The following NR3C2 variants were observed in gnomAD, a reference collection of about 807,000 sequenced individuals.
The protein encoded by NR3C2 is nuclear receptor subfamily 3 group C member 2, also known as mineralocorticoid receptor.
In NR3C2, 15 loss-of-function variants were observed where a neutral mutation model predicts 86.4. That is an observed-to-expected ratio of 0.17 (90% confidence interval 0.12 to 0.27). The LOEUF is 0.27. NR3C2 is among the 10% of genes least tolerant of loss of function. The probability of loss-of-function intolerance (pLI) is 1.00; values close to 1 mark genes in which losing one functional copy is unlikely to be tolerated. For synonymous variants in NR3C2, 458 were observed against 450.5 expected (o/e 1.02, Z -0.21); for missense variants, 960 against 1,195.6 (o/e 0.80, Z 2.91).
intron 2 of NR3C2, among the ~76,000 whole-genome samples, chr4:148,316,214 CACAT>C (rs1363288197): frequency 1.3e-5 from 2 of 152,064 alleles, no homozygotes; most frequent in African/African-American, 4.8e-5. Context: ...TTAGTACACA[CACAT>C]ACACACACAG....
rs377135101 is a variant in NR3C2, at chr4:148,213,721, G to A, written c.1898-18859C>T. On this transcript the variant is annotated intron_variant, in intron 3 of 8. Transcript: ENST00000358102. ...AGTTAAAATAAAATCTTCTTCAATG[G>A]GGCATGCAACGTTCTCAGAACTTTT... 1.5e-4 allele frequency among the ~76,000 whole-genome samples: 23 copies of A among 152,202 alleles called. No homozygotes were observed. In the South Asian group the frequency reaches 3.1e-3, roughly 21 times the overall value.
chr4:148,126,719 T>C (rs527466570), intron 6 of NR3C2, among the ~76,000 whole-genome samples: 60 of 152,312 alleles, frequency 3.9e-4, no homozygotes, highest in African/African-American at 1.1e-3. Context: ...ATGAACAGCA[T>C]CTCTTTTTAA....
At chr4:148,405,461 G>C (rs911711961) in intron 2 of NR3C2, among the ~76,000 whole-genome samples, 3 of 152,090 alleles carry the variant, frequency 2.0e-5, no homozygotes, top group East Asian at 1.9e-4. Context: ...TGTAGGGAAC[G>C]CACAAAGACT....
At chr4:148,349,873 T>G (rs72656844) in intron 2 of NR3C2, among the ~76,000 whole-genome samples, 43 of 152,158 alleles carry the variant, frequency 2.8e-4, no homozygotes, top group African/African-American at 9.4e-4. Context: ...AGTTTACCGC[T>G]CCCAAGGTAA....
intron 8 of NR3C2, among the ~76,000 whole-genome samples, chr4:148,104,342 G>GGTTTGGTTT (rs1731686588): frequency 1.8e-3 from 112 of 63,802 alleles, no homozygotes; most frequent in African/African-American, 5.1e-3. Flanking sequence ...TTTTGGTTTG[G>GGTTTGGTTT]TTTTTTTTTT....
At chr4:148,349,977 A>C (rs938704237) in intron 2 of NR3C2, among the ~76,000 whole-genome samples, 2 of 152,222 alleles carry the variant, frequency 1.3e-5, no homozygotes, top group Non-Finnish European at 2.9e-5. Flanking sequence ...CCTGTTATGC[A>C]AGTGGCAGAG....
At chr4:148,317,726 AT>A (rs765908192) in intron 2 of NR3C2, among the ~76,000 whole-genome samples, 1 of 152,136 alleles carries the variant, frequency 6.6e-6, no homozygotes, top group Admixed American at 6.5e-5. Flanking sequence ...TGAAAGAAAA[AT>A]ATTATGGTCA....
intron 4 of NR3C2, among the ~76,000 whole-genome samples, chr4:148,160,212 G>C (rs1734594447): frequency 2.0e-5 from 3 of 152,074 alleles, no homozygotes; most frequent in Admixed American, 2.0e-4. Context: ...AGATTCTCGT[G>C]AATTGTTCCC....
intron 6 of NR3C2, among the ~76,000 whole-genome samples, chr4:148,130,918 G>A (rs972143175): frequency 6.7e-6 from 1 of 148,162 alleles, no homozygotes; most frequent in Admixed American, 6.9e-5. Context: ...CCGCCTCCTG[G>A]GTTCACGCCA....
intron 2 of NR3C2, among the ~76,000 whole-genome samples, chr4:148,408,268 G>A (rs1190576821): frequency 6.6e-6 from 1 of 152,168 alleles, no homozygotes; most frequent in Admixed American, 6.5e-5. Flanking sequence ...CAACGAATTA[G>A]AGAAAATGAT....
In NR3C2 at chr4:148,152,458, T is replaced by C. The variant is rs377250539; in HGVS notation, c.2510+11A>G. 4 of 1,612,974 alleles carry C rather than the reference T, an allele frequency of 2.5e-6. No homozygotes were observed. Among genetic ancestry groups the C allele is most frequent in the African/African-American group, 2.7e-5 (2 of 75,038 alleles). On this transcript the variant is annotated intron_variant, in intron 6 of 8. Coordinates refer to ENST00000358102, the MANE Select transcript of NR3C2 (RefSeq NM_000901.5). The stretch of plus-strand genomic sequence containing the variant: ...AGTTTATTTTATGAAGGCTAATTAA[T>C]AGGTACTTACTCATTAAAGACTAGG...
intron 6 of NR3C2, among the ~76,000 whole-genome samples, chr4:148,136,439 G>T (rs996436882): frequency 6.6e-6 from 1 of 152,034 alleles, no homozygotes; most frequent in Non-Finnish European, 1.5e-5. Context: ...TAAGCCTGCA[G>T]TTCTTTGGGC....
Position 148,385,907 on chromosome 4 carries a change from T to C in NR3C2, c.1757+49197A>G, listed in dbSNP as rs138284562. On this transcript the variant is annotated intron_variant, in intron 2 of 8. Transcript: ENST00000358102. ...TCACACCACCACTGCCTCCTTGAGT[T>C]ACTTTCAGGCACATTTTGCCACTAA... is the stretch of plus-strand genomic sequence containing the variant. Among the ~76,000 whole-genome samples, 197 of 152,326 alleles carry C rather than the reference T, an allele frequency of 1.3e-3. 1 individual carries two copies. Among genetic ancestry groups the C allele is most frequent in the Non-Finnish European group, 2.0e-3 (135 of 68,038 alleles).
At chr4:148,081,620 G>A (rs1730564805) in intron 8 of NR3C2, 121 bp from the exon 9 acceptor site, 1 of 1,348,106 alleles carries the variant, frequency 7.4e-7, no homozygotes, top group Non-Finnish European at 1.0e-6. Flanking sequence ...AGGAGACCAT[G>A]TCTTCATTAA....
At chr4:148,292,369 G>A (rs1741837372) in intron 2 of NR3C2, among the ~76,000 whole-genome samples, 1 of 151,894 alleles carries the variant, frequency 6.6e-6, no homozygotes, top group Non-Finnish European at 1.5e-5. Context: ...ATATATTAAT[G>A]TCCACTAAAT....
chr4:148,153,253 T>C (rs1734188103), intron 5 of NR3C2, among the ~76,000 whole-genome samples: 1 of 152,180 alleles, frequency 6.6e-6, no homozygotes, highest in South Asian at 2.1e-4. Flanking sequence ...TGACATGATA[T>C]TGGCTCACTG....
At chr4:148,431,057 A>G (rs1485028469) in intron 2 of NR3C2, among the ~76,000 whole-genome samples, 1 of 152,206 alleles carries the variant, frequency 6.6e-6, no homozygotes, top group Non-Finnish European at 1.5e-5. Flanking sequence ...GACTATGACT[A>G]TCGCCATAAA....
At chr4:148,360,013 G>A (rs2150002371) in intron 2 of NR3C2, among the ~76,000 whole-genome samples, 1 of 152,260 alleles carries the variant, frequency 6.6e-6, no homozygotes, top group East Asian at 1.9e-4. Flanking sequence ...TAAACAGGAA[G>A]ACAAGGTAGC....
At chr4:148,359,594 A>G (rs1387425487) in intron 2 of NR3C2, among the ~76,000 whole-genome samples, 1 of 152,238 alleles carries the variant, frequency 6.6e-6, no homozygotes, top group Non-Finnish European at 1.5e-5. Flanking sequence ...CTGTCCAAGT[A>G]TCAGAGTTTA....
Sources: gnomAD v4.1 joint callset for allele counts (sites outside exome capture counted in the v4.1 genomes callset) on GRCh38, gnomAD v4.1.1 for gene constraint, MANE v1.5 for transcripts, NCBI Gene and HGNC (gene_info 2026-07-23, HGNC 2026-07-21) for gene names.